Variants in SOX5 observed in about 807,000 individuals in gnomAD.
The protein encoded by SOX5 is SRY-box transcription factor 5, also known as transcription factor SOX-5.
SOX5 carries 9 observed loss-of-function variants against 92.0 expected under a neutral mutation model. That is an observed-to-expected ratio of 0.10 (90% CI 0.06 to 0.17). The LOEUF is 0.17. Among genes scored for constraint, SOX5 ranks in the 10% least tolerant of loss-of-function variants. The pLI, the probability that SOX5 is intolerant of heterozygous loss-of-function variation, is 1.00. For synonymous variants in SOX5, 344 were observed against 336.3 expected (o/e 1.02, Z -0.25); for missense variants, 642 against 944.5 (o/e 0.68, Z 4.20).
At chr12:24,420,999 G>T (rs1965826244) in intron 1 of SOX5, among the ~76,000 whole-genome samples, 1 of 140,774 alleles carries the variant, frequency 7.1e-6, no homozygotes, top group African/African-American at 2.5e-5. Flanking sequence ...TAAGTTGTAA[G>T]GAAAAGAAAG....
At chr12:24,442,348 C>A (rs1368140854) in intron 1 of SOX5, among the ~76,000 whole-genome samples, 1 of 152,062 alleles carries the variant, frequency 6.6e-6, no homozygotes, top group Non-Finnish European at 1.5e-5. Flanking sequence ...TCTAGGGATT[C>A]GTTAGTGGAC....
chr12:24,528,602 C>G (rs1016549336), intron 1 of SOX5, among the ~76,000 whole-genome samples: 9 of 152,218 alleles, frequency 5.9e-5, no homozygotes, highest in Non-Finnish European at 1.3e-4. Context: ...GAAAACGTCT[C>G]CACACTGTAG....
intron 7 of SOX5, among the ~76,000 whole-genome samples, chr12:23,656,726 G>C (rs2082351425): frequency 6.6e-6 from 1 of 151,328 alleles, no homozygotes; most frequent in South Asian, 2.1e-4. Flanking sequence ...CAATACACAG[G>C]CTATTTTGCT....
At chr12:24,510,273 C>CA (rs374380363) in intron 1 of SOX5, among the ~76,000 whole-genome samples, 2 of 151,742 alleles carry the variant, frequency 1.3e-5, no homozygotes, top group South Asian at 2.1e-4. Flanking sequence ...ACTGTAGATA[C>CA]AAAAAAAATG....
intron 1 of SOX5, among the ~76,000 whole-genome samples, chr12:24,458,422 T>C (rs957848767): frequency 6.6e-6 from 1 of 152,172 alleles, no homozygotes; most frequent in Non-Finnish European, 1.5e-5. Flanking sequence ...TTTCTTCATC[T>C]TCCAGGGTCC....
At chr12:24,227,547 G>A (rs1962342431) in intron 3 of SOX5, 1 of 152,166 alleles carries the variant, frequency 6.6e-6, no homozygotes, top group Non-Finnish European at 1.5e-5. Context: ...TTAATACCAG[G>A]TTTTAAAATT....
intron 4 of SOX5, among the ~76,000 whole-genome samples, chr12:24,156,301 C>T (rs1208390738): frequency 1.3e-5 from 2 of 152,180 alleles, no homozygotes; most frequent in African/African-American, 4.8e-5. Flanking sequence ...GAAAGCATAA[C>T]CTGCTTGGCC....
intron 6 of SOX5, among the ~76,000 whole-genome samples, chr12:23,704,900 T>A (rs2140272812): frequency 1.3e-5 from 2 of 151,574 alleles, no homozygotes; most frequent in Admixed American, 1.3e-4. Context: ...TGTATTTTCA[T>A]AATCATGAAT....
At chr12:23,745,936 T>C (rs2093968068) in intron 4 of SOX5, among the ~76,000 whole-genome samples, 1 of 152,172 alleles carries the variant, frequency 6.6e-6, no homozygotes. Flanking sequence ...ATGTATTGCA[T>C]ATAGAAAATC....
intron 2 of SOX5, among the ~76,000 whole-genome samples, chr12:23,860,248 C>T (rs1207854027): frequency 6.6e-6 from 1 of 151,460 alleles, no homozygotes. Context: ...ACCTCCATGA[C>T]ATGTGTTTAT....
chr12:24,497,657 T>G (rs971951058), intron 1 of SOX5, among the ~76,000 whole-genome samples: 3 of 152,176 alleles, frequency 2.0e-5, no homozygotes, highest in Non-Finnish European at 2.9e-5. Flanking sequence ...CTCAAAGATC[T>G]AGAGGCAAAA....
At chr12:24,358,223 A>G (rs2141235249) in intron 2 of SOX5, among the ~76,000 whole-genome samples, 1 of 152,344 alleles carries the variant, frequency 6.6e-6, no homozygotes, top group South Asian at 2.1e-4. Flanking sequence ...AATGTGGGAC[A>G]CCTCAATAAT....
At chr12:24,105,986 T>C (rs1020283736) in intron 4 of SOX5, among the ~76,000 whole-genome samples, 1 of 152,142 alleles carries the variant, frequency 6.6e-6, no homozygotes, top group South Asian at 2.1e-4. Flanking sequence ...GGAAATACAG[T>C]AGCAAACCTT....
intron 4 of SOX5, among the ~76,000 whole-genome samples, chr12:24,211,475 A>C (rs1476443901): frequency 6.6e-6 from 1 of 152,234 alleles, no homozygotes; most frequent in Non-Finnish European, 1.5e-5. Context: ...TCTCCAGGGA[A>C]ATGACTCTAT....
intron 2 of SOX5, among the ~76,000 whole-genome samples, chr12:24,344,740 G>A (rs1322092859): frequency 1.3e-5 from 2 of 152,132 alleles, no homozygotes; most frequent in Non-Finnish European, 2.9e-5. Flanking sequence ...AAATATTTTT[G>A]ACAAAGGTCA....
rs565367152 is a variant in SOX5, at chr12:24,119,040, TA to T, written c.-2+94302del. On this transcript the variant is annotated intron_variant, in intron 4 of 4. Coordinates refer to the SOX5 transcript ENST00000446891. Reference sequence around the variant, plus strand: ...GTTTCCTCATGTAAAAAATGAGGAATATTTTTTTTAATATTTGGTCACATAC... The same window carrying T: ...GTTTCCTCATGTAAAAAATGAGGAATTTTTTTTTAATATTTGGTCACATAC... Among the ~76,000 whole-genome samples the T allele has an allele frequency of 1.6e-3, 233 of 149,526 alleles. 2 individuals carry two copies. Among genetic ancestry groups the T allele is most frequent in the African/African-American group, 2.1e-3 (85 of 40,730 alleles).
chr12:24,547,823 C>T (rs1952792735), intron 1 of SOX5, among the ~76,000 whole-genome samples: 2 of 152,194 alleles, frequency 1.3e-5, no homozygotes, highest in Non-Finnish European at 2.9e-5. Context: ...CCCCTATCAA[C>T]TTGAAGTTCT....
chr12:23,646,266 C>T (rs574857897), intron 7 of SOX5, among the ~76,000 whole-genome samples: 1 of 152,274 alleles, frequency 6.6e-6, no homozygotes, highest in Admixed American at 6.5e-5. Flanking sequence ...CCTTGACCTC[C>T]TGGTCTCAGG....
intron 3 of SOX5, among the ~76,000 whole-genome samples, chr12:23,814,444 C>A (rs1190319641): frequency 2.0e-5 from 3 of 152,154 alleles, no homozygotes; most frequent in African/African-American, 4.8e-5. Flanking sequence ...GACTGTACAA[C>A]AGAGAAGCAG....
Sources: gnomAD v4.1 joint callset for allele counts (sites outside exome capture counted in the v4.1 genomes callset) on GRCh38, gnomAD v4.1.1 for gene constraint, MANE v1.5 for transcripts, NCBI Gene and HGNC (gene_info 2026-07-23, HGNC 2026-07-21) for gene names.